KIF5A: variants seen among roughly 807,000 people sequenced by gnomAD.
KIF5A encodes kinesin family member 5A.
In KIF5A, 35 loss-of-function variants were observed where a neutral mutation model predicts 141.3. That is an observed-to-expected ratio of 0.25 (90% CI 0.19 to 0.33). The LOEUF is 0.33. Among genes scored for constraint, KIF5A ranks in the 10% least tolerant of loss-of-function variants. KIF5A has a pLI of 1.00. For missense variants in KIF5A, 861 were observed against 1,314.3 expected (o/e 0.66, Z 5.33); for synonymous variants, 448 against 500.2 (o/e 0.90, Z 1.39).
intron 28 of KIF5A, 44 bp downstream of exon 28, chr12:57,583,259 C>T: frequency 8.6e-7 from 1 of 1,161,288 alleles, no homozygotes; most frequent in South Asian, 1.3e-5. Context: ...GGTTGCTTCC[C>T]TTCTTGCTGA....
intron 1 of KIF5A, 125 bp from the exon 2 acceptor site, chr12:57,563,314 C>A: frequency 1.3e-6 from 1 of 751,560 alleles, no homozygotes; most frequent in Non-Finnish European, 2.4e-6. Flanking sequence ...CATTCTCCCA[C>A]ATTTCTGTTC....
At chr12:57,568,889 C>A in intron 8 of KIF5A, 74 bp from the exon 9 acceptor site, 1 of 944,702 alleles carries the variant, frequency 1.1e-6, no homozygotes, top group Non-Finnish European at 1.7e-6. Flanking sequence ...GTGGACTGAG[C>A]CCTGGAACGA....
At chr12:57,577,987 A>G (rs755086859) in intron 21 of KIF5A, 22 bp from the exon 22 acceptor site, 2 of 1,607,516 alleles carry the variant, frequency 1.2e-6, no homozygotes, top group East Asian at 4.5e-5. Context: ...GGCTATTCCC[A>G]ATTTTTCATC....
rs148434838 is a variant in KIF5A at position 57,583,113 on chromosome 12, G to A, written c.3033G>A (p.Pro1011=). The A allele has an allele frequency of 8.7e-5, 140 of 1,613,864 alleles. No individual in the cohort carries two copies. Among genetic ancestry groups the A allele is most frequent in the East Asian group, 6.2e-4 (28 of 44,862 alleles). Residue 1011 remains proline, a synonymous_variant, in exon 28 of 29, where the codon CCG becomes CCA. Coordinates refer to ENST00000455537, the MANE Select transcript of KIF5A (RefSeq NM_004984.4). ...TDINDNRSDL[P]CGYEAEDQAK... ...TCTCTTCCTCCAGGAGTGACCTGCCGTGTGGCTATGAGGCTGAGGACCAGG... is the reference window on the plus strand; with the variant it reads ...TCTCTTCCTCCAGGAGTGACCTGCCATGTGGCTATGAGGCTGAGGACCAGG...
chr12:57,578,838 C>T (rs938298763), intron 23 of KIF5A, among the ~76,000 whole-genome samples: 8 of 152,034 alleles, frequency 5.3e-5, no homozygotes, highest in South Asian at 2.1e-4. Context: ...CCGAGGCGGG[C>T]GGATCACTTG....
At chr12:57,563,243 G>A (rs1168572181) in intron 1 of KIF5A, among the ~76,000 whole-genome samples, 196 bp from the exon 2 acceptor site, 2 of 152,030 alleles carry the variant, frequency 1.3e-5, no homozygotes, top group Non-Finnish European at 2.9e-5. Context: ...CTGACCTCGT[G>A]ATCCGCCTGC....
At position 57,581,078 on chromosome 12, in the gene KIF5A, G is replaced by A. The variant is rs774040770; in HGVS notation, c.2661G>A (p.Met887Ile). ...GALKEAKEGA[M>I]KDKRRYQQEV... is the part of the protein sequence containing the mutation. ...TGAAGGAGGCCAAGGAGGGCGCCAT[G>A]AAGGACAAGCGCCGGTACCAGCAGG... Residue 887 changes from methionine (M) to isoleucine (I), a missense_variant, in exon 24 of 29, where the codon ATG (methionine) becomes ATA (isoleucine). By Grantham distance (10) the Met-to-Ile change is conservative. This residue lies in a region of KIF5A where 482 missense variants were observed against 661.3 expected (regional missense o/e 0.73). Coordinates refer to ENST00000455537, the MANE Select transcript of KIF5A (RefSeq NM_004984.4). The A allele has an allele frequency of 1.9e-6, 3 of 1,614,044 alleles. No individual in the cohort carries two copies. Among genetic ancestry groups the A allele is most frequent in the African/African-American group, 1.3e-5 (1 of 74,916 alleles).
At chr12:57,562,491 C>T (rs1215497936) in intron 1 of KIF5A, among the ~76,000 whole-genome samples, 1 of 152,258 alleles carries the variant, frequency 6.6e-6, no homozygotes, top group Non-Finnish European at 1.5e-5. Context: ...GCTGGGATTA[C>T]AGGCTTGAGC....
chr12:57,553,512 G>A lies in KIF5A; in HGVS notation c.129+3112G>A, dbSNP rs374294873. ...GAGTCTCATAAAGAAAAATGGAGAC[G>A]AGAAGTAACGTTCATTGTGGCCAGT... On this transcript the variant is annotated intron_variant, in intron 1 of 28. Transcript: ENST00000455537. 8.5e-5 allele frequency among the ~76,000 whole-genome samples: 13 copies of A among 152,240 alleles called. No homozygotes were observed. In the South Asian group the frequency reaches 1.2e-3, roughly 15 times the overall value.
At chr12:57,559,790 G>C (rs186338859) in intron 1 of KIF5A, among the ~76,000 whole-genome samples, 1 of 152,290 alleles carries the variant, frequency 6.6e-6, no homozygotes, top group East Asian at 1.9e-4. Context: ...CATATGAAGG[G>C]AGTAATACAG....
intron 23 of KIF5A, among the ~76,000 whole-genome samples, chr12:57,579,081 G>A (rs988609335): frequency 6.6e-6 from 1 of 151,820 alleles, no homozygotes; most frequent in South Asian, 2.1e-4. Context: ...AAAAAATGAT[G>A]TCCCTAAGAT....
At chr12:57,558,629 G>C (rs962571443) in intron 1 of KIF5A, among the ~76,000 whole-genome samples, 10 of 152,216 alleles carry the variant, frequency 6.6e-5, no homozygotes, top group African/African-American at 2.2e-4. Context: ...AGCTGAGATG[G>C]AGCCACTGCA....
rs771687270 is a variant in KIF5A, at chr12:57,581,157, C to T, written c.2740C>T (p.His914Tyr). The change falls in exon 24 of 29, where the codon CAT becomes TAT. Residue 914 changes from histidine to tyrosine, a missense_variant. Physicochemically the swap from His to Tyr is moderately conservative, Grantham distance 83. Transcript: ENST00000455537. The part of the protein sequence containing the change: ...VRYKSSGKRG[H>Y]SAQIAKPVRP... ...CTACAAGAGCTCGGGCAAACGGGGC[C>T]ATTCTGCCCAGATTGGTGAGTAGGT... The T allele has an allele frequency of 1.9e-6, 3 of 1,613,574 alleles. No individual in the cohort carries two copies. Among genetic ancestry groups the T allele is most frequent in the Non-Finnish European group, 2.5e-6 (3 of 1,179,904 alleles).
intron 4 of KIF5A, 77 bp downstream of exon 4, chr12:57,564,289 T>C: frequency 1.7e-6 from 2 of 1,189,460 alleles, no homozygotes; most frequent in Non-Finnish European, 1.3e-6. Context: ...CTGAAGAGCC[T>C]GGGCTCCCCA....
At position 57,580,605 on chromosome 12, in the gene KIF5A, A is replaced by G. The variant is rs945871181; in HGVS notation, c.2539-351A>G. Reference sequence around the variant, plus strand: ...CCCCATGGCCGCCCTGGGGCTATTGATCTGGCACATGCTGGGAGATGTGGG... The same window carrying G: ...CCCCATGGCCGCCCTGGGGCTATTGGTCTGGCACATGCTGGGAGATGTGGG... On this transcript the variant is annotated intron_variant, in intron 23 of 28. Transcript: ENST00000455537. 2.2e-4 allele frequency among the ~76,000 whole-genome samples: 34 copies of G among 152,260 alleles called. No individual in the cohort carries two copies. The East Asian group carries it at 2.5e-3, about 11-fold the overall frequency.
At chr12:57,577,840 C>T (rs1314766271) in intron 21 of KIF5A, 67 bp downstream of exon 21, 6 of 1,384,706 alleles carry the variant, frequency 4.3e-6, no homozygotes, top group African/African-American at 2.8e-5. Flanking sequence ...TTCTTCCTAA[C>T]CCTATTCCTC....
chr12:57,561,944 G>A (rs1019058042), intron 1 of KIF5A, among the ~76,000 whole-genome samples: 20 of 152,192 alleles, frequency 1.3e-4, no homozygotes, highest in African/African-American at 3.4e-4. Flanking sequence ...AAACTCTGGC[G>A]TCTGTAGATC....
Position 57,550,207 on chromosome 12 carries a change from C to T in KIF5A, c.-65C>T. The T allele has an allele frequency of 6.2e-7, 1 of 1,609,904 alleles. No homozygotes were observed. The highest frequency in any genetic ancestry group is 8.5e-7 in the Non-Finnish European group (1 of 1,178,502). ...CGCCTCGGCCTCTGCTGAGAGCCCT[C>T]TCCTCTGGAGCACACACCACCCCTG... On this transcript the variant is annotated 5_prime_UTR_variant, in exon 1 of 29. Coordinates refer to ENST00000455537, the MANE Select transcript of KIF5A (RefSeq NM_004984.4). This position sits in a 1 kb window ranked among gnomAD's most constrained non-coding sequence, Gnocchi z 4.6.
intron 28 of KIF5A, among the ~76,000 whole-genome samples, chr12:57,583,870 C>T (rs1882680888): frequency 6.6e-6 from 1 of 152,174 alleles, no homozygotes; most frequent in South Asian, 2.1e-4. Flanking sequence ...CACTGGGTTT[C>T]TCACCAAGGT....
Sources: allele counts gnomAD v4.1 joint callset (sites outside exome capture counted in the v4.1 genomes callset), GRCh38; gene constraint gnomAD v4.1.1; regional missense constraint gnomAD v4.1.1; non-coding constraint Gnocchi (gnomAD v3.1); transcripts MANE v1.5; gene names NCBI Gene and HGNC (gene_info 2026-07-23, HGNC 2026-07-21).